The following NRG2 variants were observed in gnomAD, a reference collection of about 807,000 sequenced individuals.
NRG2 encodes the protein neuregulin 2.
Under a neutral mutation model 73.9 loss-of-function variants are expected in NRG2, and 27 were observed. The observed-to-expected ratio is 0.37, with a 90% CI of 0.27 to 0.50. The LOEUF is 0.50. Ranked by LOEUF, NRG2 falls within the 20% of genes least tolerant of loss-of-function variation. NRG2 has a pLI of 0.96. For missense variants in NRG2, 1,126 were observed against 1,210.1 expected, an observed-to-expected ratio of 0.93 and a Z score of 1.03; for synonymous variants, 532 against 541.0, an observed-to-expected ratio of 0.98 and a Z score of 0.23.
chr5:139,929,248 T>C (rs1489453572), intron 1 of NRG2, among the ~76,000 whole-genome samples: 1 of 152,184 alleles, frequency 6.6e-6, no homozygotes, highest in Non-Finnish European at 1.5e-5. Context: ...TTCCCAACAT[T>C]TCTTATTCTG....
intron 9 of NRG2, among the ~76,000 whole-genome samples, chr5:139,850,101 T>TGCCTCTCCC (rs1581760406): frequency 6.6e-6 from 1 of 152,348 alleles, no homozygotes; most frequent in East Asian, 1.9e-4. Context: ...CCTGCTCTCC[T>TGCCTCTCCC]GCCTCTCCCC....
In NRG2 at chr5:139,851,601, G is replaced by T; in HGVS notation, c.1772+3C>A. ...GGGAATAGGTCAGGGGGTAGGAACT[G>T]ACCTCTCGCTGTGTGGGGAGTCGCG... On this transcript the variant is annotated splice_donor_region_variant and intron_variant, in intron 9 of 9. Coordinates refer to ENST00000361474, the MANE Select transcript of NRG2 (RefSeq NM_004883.3). This position sits in a 1 kb window ranked among gnomAD's most constrained non-coding sequence, Gnocchi z 4.2. 6.2e-7 allele frequency: 1 copy of T among 1,613,704 alleles called. No individual in the cohort carries two copies. The highest frequency in any genetic ancestry group is 8.5e-7 in the Non-Finnish European group (1 of 1,179,836).
At chr5:139,859,930 C>CA (rs1554100123) in intron 5 of NRG2, 7 of 1,609,326 alleles carry the variant, frequency 4.3e-6, no homozygotes, top group East Asian at 2.2e-5. Context: ...TGCAGAAGAG[C>CA]GAGGGTCACA....
At chr5:139,928,799 C>A (rs1752254898) in intron 1 of NRG2, among the ~76,000 whole-genome samples, 1 of 152,206 alleles carries the variant, frequency 6.6e-6, no homozygotes, top group African/African-American at 2.4e-5. Context: ...CCTGCCTCAG[C>A]TTTTCCTCAG....
intron 3 of NRG2, among the ~76,000 whole-genome samples, chr5:139,872,272 A>G (rs994583593): frequency 6.6e-6 from 1 of 151,642 alleles, no homozygotes; most frequent in Non-Finnish European, 1.5e-5. Flanking sequence ...AGACACCTAC[A>G]CCCGCCTGCA....
At chr5:139,886,234 A>G (rs1241172781) in intron 2 of NRG2, among the ~76,000 whole-genome samples, 1 of 152,236 alleles carries the variant, frequency 6.6e-6, no homozygotes, top group Non-Finnish European at 1.5e-5. Context: ...AAGGAGAATC[A>G]GAGAACTGGA....
chr5:139,989,409 G>A lies in NRG2; in HGVS notation c.700+52961C>T, dbSNP rs553350237. ...TAACCATTTGTTTAAAGTATTAAAA[G>A]CACCCATAAACCTACCACATTTGGC... On this transcript the variant is annotated intron_variant, in intron 1 of 9. Transcript: ENST00000361474. 3.3e-4 allele frequency among the ~76,000 whole-genome samples: 50 copies of A among 151,990 alleles called. No homozygotes were observed. The South Asian group carries it at 7.7e-3, about 23-fold the overall frequency.
At chr5:139,935,287 A>T (rs2126393252) in intron 1 of NRG2, among the ~76,000 whole-genome samples, 1 of 152,378 alleles carries the variant, frequency 6.6e-6, no homozygotes, top group South Asian at 2.1e-4. Flanking sequence ...CGAGATTTCA[A>T]CACCTTCTCT....
intron 1 of NRG2, among the ~76,000 whole-genome samples, chr5:139,975,617 G>C (rs1162219475): frequency 6.6e-6 from 1 of 152,220 alleles, no homozygotes; most frequent in Non-Finnish European, 1.5e-5. Flanking sequence ...CAGAGCCCTA[G>C]GGCCATCTGG....
intron 1 of NRG2, among the ~76,000 whole-genome samples, chr5:140,017,188 A>G (rs1759855283): frequency 6.6e-6 from 1 of 152,194 alleles, no homozygotes; most frequent in Non-Finnish European, 1.5e-5. Context: ...TAAAAGTGAT[A>G]AGATGTGGGG....
At chr5:140,019,295 G>C (rs1385278508) in intron 1 of NRG2, among the ~76,000 whole-genome samples, 1 of 152,152 alleles carries the variant, frequency 6.6e-6, no homozygotes, top group Non-Finnish European at 1.5e-5. Flanking sequence ...TCCAACAAGG[G>C]GGCCTTGGTC....
At chr5:139,955,005 G>T (rs1754510172) in intron 1 of NRG2, among the ~76,000 whole-genome samples, 1 of 152,148 alleles carries the variant, frequency 6.6e-6, no homozygotes, top group Non-Finnish European at 1.5e-5. Context: ...TCTTGCATTT[G>T]CCAACTCAAT....
intron 1 of NRG2, among the ~76,000 whole-genome samples, chr5:139,973,193 T>C (rs1018709398): frequency 6.1e-4 from 89 of 145,124 alleles, no homozygotes; most frequent in African/African-American, 2.2e-3. Flanking sequence ...TATCTGGAAG[T>C]GCAACTGGCA....
intron 1 of NRG2, among the ~76,000 whole-genome samples, chr5:139,961,177 G>C (rs1451042302): frequency 6.6e-6 from 1 of 152,152 alleles, no homozygotes; most frequent in Non-Finnish European, 1.5e-5. Flanking sequence ...TGGGGGTTTC[G>C]GGAGGGTTGA....
chr5:140,032,633 T>C (rs1761238347), intron 1 of NRG2, among the ~76,000 whole-genome samples: 1 of 152,202 alleles, frequency 6.6e-6, no homozygotes, highest in Non-Finnish European at 1.5e-5. Context: ...TTCACCATAT[T>C]TTAAATTACT....
chr5:139,933,559 A>G (rs1454927974), intron 1 of NRG2, among the ~76,000 whole-genome samples: 4 of 152,158 alleles, frequency 2.6e-5, no homozygotes, highest in Non-Finnish European at 4.4e-5. Context: ...TTTAAAATAT[A>G]TATGCCTCTA....
chr5:139,959,347 G>A (rs1033065818), intron 1 of NRG2, among the ~76,000 whole-genome samples: 3 of 151,952 alleles, frequency 2.0e-5, no homozygotes, highest in Non-Finnish European at 2.9e-5. Flanking sequence ...CTACAGACAT[G>A]TGCCACCACA....
rs187900247 is a variant in NRG2 at position 139,931,974 on chromosome 5, T to C, written c.701-44463A>G. On this transcript the variant is annotated intron_variant, in intron 1 of 9. Coordinates refer to ENST00000361474, the MANE Select transcript of NRG2 (RefSeq NM_004883.3). The stretch of plus-strand genomic sequence containing the variant: ...GGGTATGGAATGAAGGGAACCATTG[T>C]ACAAAGCTAGTGGAAATGTAGATTG... Among the ~76,000 whole-genome samples the C allele has an allele frequency of 3.2e-4, 49 of 152,324 alleles. No individual in the cohort carries two copies. In the East Asian group the frequency reaches 9.2e-3, roughly 29 times the overall value.
intron 1 of NRG2, among the ~76,000 whole-genome samples, chr5:140,000,053 A>G (rs1221742992): frequency 6.6e-6 from 1 of 152,156 alleles, no homozygotes; most frequent in African/African-American, 2.4e-5. Context: ...TAGGTTTTTA[A>G]TTATAAAAAA....
Sources: allele counts gnomAD v4.1 joint callset (sites outside exome capture counted in the v4.1 genomes callset), GRCh38; gene constraint gnomAD v4.1.1; non-coding constraint Gnocchi (gnomAD v3.1); transcripts MANE v1.5; gene names NCBI Gene and HGNC (gene_info 2026-07-23, HGNC 2026-07-21).